ZNF503: variants seen among roughly 807,000 people sequenced by gnomAD.
ZNF503 encodes the protein NocA-like zinc finger 2.
A neutral mutation model predicts 34.4 loss-of-function variants in ZNF503; 15 were observed. The ratio of observed to expected loss-of-function variants is 0.44; its 90% CI spans 0.29 to 0.67. ZNF503 has a LOEUF of 0.67. Among genes scored for constraint, ZNF503 ranks in the 30% least tolerant of loss-of-function variants. The pLI, the probability that ZNF503 is intolerant of heterozygous loss-of-function variation, is 0.13. For synonymous variants in ZNF503, 580 were observed against 456.8 expected (o/e 1.27, Z -3.44); for missense variants, 1,007 against 926.8 (o/e 1.09, Z -1.12).
the ZNF503 span, among the ~76,000 whole-genome samples, chr10:75,339,948 G>C: frequency 6.6e-6 from 1 of 152,068 alleles, no homozygotes; most frequent in East Asian, 1.9e-4. Flanking sequence ...GGGCGCAGTG[G>C]CTCACGCCTG....
the ZNF503 span, among the ~76,000 whole-genome samples, chr10:75,335,013 C>G: frequency 6.6e-6 from 1 of 152,168 alleles, no homozygotes; most frequent in Admixed American, 6.5e-5. Flanking sequence ...TCCACCATAT[C>G]CAGAAGCAAA....
chr10:75,351,032 A>G, the ZNF503 span, among the ~76,000 whole-genome samples: 985 of 152,268 alleles, frequency 6.5e-3, 11 homozygotes, highest in African/African-American at 0.022. Flanking sequence ...CCTCTTGTGG[A>G]TGGGTATTCA....
chr10:75,396,331 C>T (rs947791942), downstream of ZNF503, among the ~76,000 whole-genome samples: 10 of 152,282 alleles, frequency 6.6e-5, no homozygotes, highest in Non-Finnish European at 1.2e-4. The surrounding 1 kb of genome is among the most constrained non-coding windows in gnomAD (Gnocchi z 4.4). Context: ...CTCGCGACGT[C>T]CGGACATCAG....
chr10:75,337,897 A>C, the ZNF503 span, among the ~76,000 whole-genome samples: 2 of 152,220 alleles, frequency 1.3e-5, no homozygotes, highest in African/African-American at 4.8e-5. Flanking sequence ...CTAATCTTCT[A>C]TACATTCACC....
At position 75,400,235 on chromosome 10, in the gene ZNF503, G is replaced by C. The variant is rs1028440458; in HGVS notation, c.455C>G (p.Ala152Gly). The C allele has an allele frequency of 6.2e-7, 1 of 1,610,480 alleles. No homozygotes were observed. The highest frequency in any genetic ancestry group is 1.1e-5 in the South Asian group (1 of 90,660). ...GGAGGAGGGA[A>G]GDKDTKSGPL... ...GCCCGATTTGGTGTCCTTGTCGCCC[G>C]CAGCACCGCCGCCGGCACCGCCCGC... The change falls in exon 2 of 2, where the codon GCG (alanine) becomes GGG (glycine). Residue 152 changes from alanine to glycine, a missense_variant. Physicochemically the swap from Ala to Gly is moderately conservative, Grantham distance 60. Coordinates refer to ENST00000372524, the MANE Select transcript of ZNF503 (RefSeq NM_032772.6).
the ZNF503 span, among the ~76,000 whole-genome samples, chr10:75,295,256 C>G: frequency 6.6e-6 from 1 of 151,780 alleles, no homozygotes; most frequent in African/African-American, 2.4e-5. This position sits in a 1 kb window ranked among gnomAD's most constrained non-coding sequence, Gnocchi z 4.0. Flanking sequence ...GGGGCGCGCC[C>G]CCTCATGGGC....
At chr10:75,363,518 G>C in the ZNF503 span, among the ~76,000 whole-genome samples, 4 of 152,324 alleles carry the variant, frequency 2.6e-5, no homozygotes, top group Non-Finnish European at 5.9e-5. Flanking sequence ...TGTGTGTGCT[G>C]TCTGGATCCT....
chr10:75,329,788 T>G, the ZNF503 span, among the ~76,000 whole-genome samples: 1 of 152,184 alleles, frequency 6.6e-6, no homozygotes, highest in Non-Finnish European at 1.5e-5. Flanking sequence ...AGCTTTTCTA[T>G]GTGTAAGATC....
the ZNF503 span, among the ~76,000 whole-genome samples, chr10:75,332,294 T>G: frequency 6.6e-6 from 1 of 152,080 alleles, no homozygotes; most frequent in Admixed American, 6.5e-5. Flanking sequence ...GCCTTTTCAC[T>G]GTGTTCCAAA....
chr10:75,400,853 G>A (rs554360794), intron 1 of ZNF503: 170 of 622,044 alleles, frequency 2.7e-4, no homozygotes, highest in Admixed American at 7.1e-4. Flanking sequence ...AGGGGCCTGG[G>A]TCGGGGTAGG....
At chr10:75,372,489 T>C in the ZNF503 span, among the ~76,000 whole-genome samples, 3 of 152,198 alleles carry the variant, frequency 2.0e-5, no homozygotes, top group African/African-American at 7.2e-5. Context: ...CAGTTCAAAG[T>C]AGTGCACAGG....
the ZNF503 span, among the ~76,000 whole-genome samples, chr10:75,363,366 T>G: frequency 4.6e-5 from 7 of 152,172 alleles, no homozygotes; most frequent in Non-Finnish European, 5.9e-5. Flanking sequence ...GTTGTGATTC[T>G]CTGTGGGGTC....
chr10:75,315,835 T>A, the ZNF503 span, among the ~76,000 whole-genome samples: 1 of 152,190 alleles, frequency 6.6e-6, no homozygotes, highest in African/African-American at 2.4e-5. Flanking sequence ...CTAGGCAGCC[T>A]ACAAGAAATT....
chr10:75,360,831 T>A, the ZNF503 span: 3 of 151,814 alleles, frequency 2.0e-5, no homozygotes, highest in African/African-American at 7.3e-5. Flanking sequence ...TTTGGGTCAA[T>A]GAATTTACTG....
In ZNF503 at chr10:75,398,652, GCGCGGGTGT is replaced by G; in HGVS notation, c.*88_*96del. ...CTTTCGTGGCCCGAGTCCTCCCCACGCGCGGGTGTCAGCAGCCTGGGCCGTGATCCCGCC... is the reference window on the plus strand; with the variant it reads ...CTTTCGTGGCCCGAGTCCTCCCCACGCAGCAGCCTGGGCCGTGATCCCGCC... On this transcript the variant is annotated 3_prime_UTR_variant, in exon 2 of 2. Coordinates refer to ENST00000372524, the MANE Select transcript of ZNF503 (RefSeq NM_032772.6). 2.6e-6 allele frequency: 3 copies of G among 1,141,712 alleles called. No homozygotes were observed. The highest frequency in any genetic ancestry group is 3.4e-6 in the Non-Finnish European group (3 of 891,242). The allele number at this position is 1,141,712 out of a possible 1,614,324, so 70.7% of individuals were successfully genotyped here.
At chr10:75,317,374 T>A in the ZNF503 span, among the ~76,000 whole-genome samples, 1 of 147,070 alleles carries the variant, frequency 6.8e-6, no homozygotes, top group South Asian at 2.3e-4. Context: ...ATCTCTCGGG[T>A]TCACGCCATT....
chr10:75,335,961 C>T, the ZNF503 span, among the ~76,000 whole-genome samples: 1 of 152,316 alleles, frequency 6.6e-6, no homozygotes, highest in South Asian at 2.1e-4. Context: ...TCTCCCATTC[C>T]TCACTAGAAA....
the ZNF503 span, among the ~76,000 whole-genome samples, chr10:75,391,759 TTC>T: frequency 1.3e-5 from 2 of 152,146 alleles, no homozygotes; most frequent in Admixed American, 1.3e-4. Flanking sequence ...TTCCTCTGCT[TTC>T]TCCTCTCTCC....
chr10:75,294,843 G>T, the ZNF503 span, among the ~76,000 whole-genome samples: 1 of 152,218 alleles, frequency 6.6e-6, no homozygotes, highest in East Asian at 1.9e-4. Flanking sequence ...CGCCTGTCAG[G>T]GTTCTATCTG....
Sources: allele counts gnomAD v4.1 joint callset (sites outside exome capture counted in the v4.1 genomes callset), GRCh38; gene constraint gnomAD v4.1.1; non-coding constraint Gnocchi (gnomAD v3.1); transcripts MANE v1.5; gene names NCBI Gene and HGNC (gene_info 2026-07-23, HGNC 2026-07-21).